The following RUNX1T1 variants were observed in gnomAD, a reference collection of about 807,000 sequenced individuals.
The protein encoded by RUNX1T1 is RUNX1 partner transcriptional co-repressor 1, also known as protein CBFA2T1.
In RUNX1T1, 4 loss-of-function variants were observed where a neutral mutation model predicts 62.8. That is an observed-to-expected ratio of 0.06 (90% CI 0.03 to 0.15). The LOEUF is 0.15. Ranked by LOEUF, RUNX1T1 falls within the 10% of genes least tolerant of loss-of-function variation. RUNX1T1 has a pLI of 1.00. For missense variants in RUNX1T1, 508 were observed against 754.3 expected (o/e 0.67, Z 3.82); for synonymous variants, 291 against 286.0 (o/e 1.02, Z -0.18).
intron 1 of RUNX1T1, among the ~76,000 whole-genome samples, chr8:92,041,911 C>T (rs960989424): frequency 2.1e-5 from 3 of 145,670 alleles, no homozygotes; most frequent in Non-Finnish European, 3.0e-5. Context: ...CTCTGCCTCC[C>T]AGATTCAAGC....
intron 1 of RUNX1T1, chr8:92,094,950 CT>C: frequency 9.6e-7 from 1 of 1,046,482 alleles, no homozygotes; most frequent in Middle Eastern, 2.1e-4. Flanking sequence ...ATTGTTCCCC[CT>C]TTATCGAGTC....
At chr8:92,008,386 TCTCACACACACA>T (rs1190540750) in intron 4 of RUNX1T1, among the ~76,000 whole-genome samples, 2 of 49,100 alleles carry the variant, frequency 4.1e-5, no homozygotes, top group African/African-American at 1.5e-4. Flanking sequence ...TCTCTCTCTC[TCTCACACACACA>T]CACACACACA....
chr8:92,068,657 G>A (rs1205575829), intron 2 of RUNX1T1, among the ~76,000 whole-genome samples: 1 of 152,156 alleles, frequency 6.6e-6, no homozygotes, highest in East Asian at 1.9e-4. Flanking sequence ...TGGAGACACT[G>A]TTTTCAAAAC....
At chr8:92,102,827 C>T (rs775591747), upstream of RUNX1T1, 3 of 1,498,284 alleles carry the variant, frequency 2.0e-6, no homozygotes, top group South Asian at 3.8e-5. The surrounding 1 kb of genome is among the most constrained non-coding windows in gnomAD (Gnocchi z 4.5). Flanking sequence ...GCCGCCCGCC[C>T]GCCGGCCAAG....
At chr8:92,045,099 T>G (rs916642090) in intron 1 of RUNX1T1, among the ~76,000 whole-genome samples, 1 of 150,942 alleles carries the variant, frequency 6.6e-6, no homozygotes, top group African/African-American at 2.4e-5. Flanking sequence ...GATATATATA[T>G]TATACATATA....
intron 3 of RUNX1T1, among the ~76,000 whole-genome samples, chr8:92,012,488 G>A (rs1029445331): frequency 4.6e-5 from 7 of 152,038 alleles, no homozygotes; most frequent in South Asian, 2.1e-4. Context: ...TGCTGGCACC[G>A]ATGCGAATGC....
exon 2 of RUNX1T1, chr8:92,017,309 T>G (rs373658398): frequency 1.2e-6 from 2 of 1,614,108 alleles, no homozygotes. Flanking sequence ...CAGCCTAGAT[T>G]GCGTCTTCAC....
chr8:92,027,115 C>CAAAAAAAAA, intron 1 of RUNX1T1, among the ~76,000 whole-genome samples: 1 of 74,220 alleles, frequency 1.3e-5, no homozygotes, highest in Non-Finnish European at 2.6e-5. Context: ...AACTCCGTCT[C>CAAAAAAAAA]AAAAAAAAAA....
chr8:91,979,760 A>G, intron 8 of RUNX1T1: 1 of 501,022 alleles, frequency 2.0e-6, no homozygotes, highest in South Asian at 1.6e-5. Flanking sequence ...AAGAGATGGA[A>G]GATGCACTAC....
At chr8:92,099,587 G>T in exon 1 of RUNX1T1, 2 of 981,732 alleles carry the variant, frequency 2.0e-6, no homozygotes, top group African/African-American at 1.7e-5. Flanking sequence ...TACAGTAATA[G>T]ACTCCGGCAA....
intron 1 of RUNX1T1, among the ~76,000 whole-genome samples, chr8:92,031,672 G>A (rs532320846): frequency 3.9e-5 from 6 of 151,988 alleles, no homozygotes; most frequent in East Asian, 3.9e-4. Context: ...GTTTCACTAC[G>A]TTGCCCAGGC....
intron 1 of RUNX1T1, among the ~76,000 whole-genome samples, chr8:92,098,046 A>C (rs1429191042): frequency 6.6e-6 from 1 of 152,220 alleles, no homozygotes; most frequent in Non-Finnish European, 1.5e-5. Flanking sequence ...CCTTCCTATA[A>C]AAGGAAGAAG....
intron 8 of RUNX1T1, among the ~76,000 whole-genome samples, chr8:91,976,289 T>C (rs544537212): frequency 6.6e-6 from 1 of 152,342 alleles, no homozygotes; most frequent in Admixed American, 6.5e-5. Flanking sequence ...CTTCTATAGA[T>C]ATATTTTGTT....
At chr8:91,980,998 A>G (rs1246703351) in intron 8 of RUNX1T1, among the ~76,000 whole-genome samples, 1 of 152,172 alleles carries the variant, frequency 6.6e-6, no homozygotes, top group African/African-American at 2.4e-5. Flanking sequence ...GAGAATGCAC[A>G]TCTAAATAAC....
intron 1 of RUNX1T1, among the ~76,000 whole-genome samples, chr8:92,062,181 T>C (rs1832145165): frequency 6.6e-6 from 1 of 152,158 alleles, no homozygotes; most frequent in African/African-American, 2.4e-5. Flanking sequence ...ACAGATGAAA[T>C]TTCCAGGACA....
intron 1 of RUNX1T1, among the ~76,000 whole-genome samples, chr8:92,046,799 C>T (rs549566774): frequency 6.6e-6 from 1 of 152,278 alleles, no homozygotes; most frequent in African/African-American, 2.4e-5. Context: ...AACATGCAGC[C>T]TTGACTAGCA....
At chr8:92,034,104 G>A (rs1049858198) in intron 1 of RUNX1T1, among the ~76,000 whole-genome samples, 3 of 152,122 alleles carry the variant, frequency 2.0e-5, no homozygotes, top group Non-Finnish European at 2.9e-5. Context: ...ATCTATAGCG[G>A]TTGGAGCACA....
intron 5 of RUNX1T1, among the ~76,000 whole-genome samples, chr8:91,996,551 C>A (rs1015364811): frequency 6.6e-6 from 1 of 152,150 alleles, no homozygotes; most frequent in African/African-American, 2.4e-5. Context: ...TACCAGGAGA[C>A]ATTTTCCTCA....
rs1316911889 is a variant in RUNX1T1 at position 92,095,376 on chromosome 8, C to G, written c.-86+4204G>C. The G allele has an allele frequency of 6.5e-7, 1 of 1,535,254 alleles. No homozygotes were observed. Among genetic ancestry groups the G allele is most frequent in the African/African-American group, 1.4e-5 (1 of 72,962 alleles). On this transcript the variant is annotated intron_variant, in intron 1 of 11. Transcript: ENST00000265814. ...TGGCAAAGGAGCGCGGGAGAGCGGC[C>G]GCGGCCGAGGCGGCACCCAGACCGC...
Sources: gnomAD v4.1 joint callset for allele counts (sites outside exome capture counted in the v4.1 genomes callset) on GRCh38, gnomAD v4.1.1 for gene constraint, Gnocchi (gnomAD v3.1) non-coding constraint, MANE v1.5 for transcripts, NCBI Gene and HGNC (gene_info 2026-07-23, HGNC 2026-07-21) for gene names.